The following CRIPTO variants were observed in gnomAD, a reference collection of about 807,000 sequenced individuals.
CRIPTO encodes cripto, EGF-CFC family member.
At chr3:46,577,699 C>T in the CRIPTO span, 2 of 541,868 alleles carry the variant, frequency 3.7e-6, 1 homozygote, top group South Asian at 4.2e-5. Flanking sequence ...CTCCCCGCCC[C>T]GACTGGGGTT....
the CRIPTO span, chr3:46,579,628 C>G: frequency 7.6e-7 from 1 of 1,313,316 alleles, no homozygotes; most frequent in Non-Finnish European, 1.1e-6. Flanking sequence ...CTCAAAGGCA[C>G]AGAGACTTAC....
chr3:46,575,967 G>C, the CRIPTO span, among the ~76,000 whole-genome samples: 121 of 152,172 alleles, frequency 8.0e-4, 1 homozygote, highest in South Asian at 0.023. Flanking sequence ...CGGCCTCCTA[G>C]AGCTTCAGGC....
At chr3:46,580,163 G>C in the CRIPTO span, 5 of 1,492,490 alleles carry the variant, frequency 3.4e-6, no homozygotes, top group Admixed American at 1.9e-5. Flanking sequence ...TCTTGCTAGA[G>C]CCTGGCAGCC....
the CRIPTO span, chr3:46,578,117 C>T: frequency 1.7e-6 from 2 of 1,157,574 alleles, no homozygotes; most frequent in African/African-American, 3.1e-5. Context: ...CTTAAAAGAG[C>T]TGCCAACCGC....
At chr3:46,576,180 A>G in the CRIPTO span, among the ~76,000 whole-genome samples, 18 of 152,172 alleles carry the variant, frequency 1.2e-4, no homozygotes, top group Admixed American at 1.2e-3. Flanking sequence ...TCCCAAGATC[A>G]TGTGTAAGGC....
the CRIPTO span, among the ~76,000 whole-genome samples, chr3:46,580,650 A>C: frequency 6.6e-6 from 1 of 152,170 alleles, no homozygotes; most frequent in African/African-American, 2.4e-5. Context: ...TGGAGAGGAA[A>C]AGAGGCGACA....
chr3:46,575,742 TAAAGACAAGACATCC>T, the CRIPTO span, among the ~76,000 whole-genome samples: 2 of 152,204 alleles, frequency 1.3e-5, no homozygotes, highest in South Asian at 4.1e-4. Flanking sequence ...GCCCAGTCTC[TAAAGACAAGACATCC>T]AAATCCCCCA....
At chr3:46,581,006 G>T in the CRIPTO span, 4 of 737,950 alleles carry the variant, frequency 5.4e-6, no homozygotes, top group Admixed American at 7.9e-5. Flanking sequence ...CACTGGGCTA[G>T]GTTCCAGGTG....
chr3:46,581,602 G>A, the CRIPTO span: 12 of 561,230 alleles, frequency 2.1e-5, no homozygotes, highest in South Asian at 7.4e-5. Flanking sequence ...CTCCGCATCC[G>A]GGGTTCAAGC....
chr3:46,578,974 G>T, the CRIPTO span: 1 of 1,122,580 alleles, frequency 8.9e-7, no homozygotes, highest in East Asian at 2.4e-5. Context: ...GAAAGATGGT[G>T]CTCTACAATT....
chr3:46,580,448 A>T, the CRIPTO span, among the ~76,000 whole-genome samples: 1 of 152,176 alleles, frequency 6.6e-6, no homozygotes, highest in Non-Finnish European at 1.5e-5. Context: ...CACCCTGACG[A>T]CAAATTCTAT....
At chr3:46,580,142 T>C in the CRIPTO span, 1 of 1,578,626 alleles carries the variant, frequency 6.3e-7, no homozygotes, top group Non-Finnish European at 8.7e-7. Flanking sequence ...AGGCTCTCCT[T>C]GTACCTCTTG....
the CRIPTO span, among the ~76,000 whole-genome samples, chr3:46,578,385 C>A: frequency 1.1e-3 from 153 of 134,708 alleles, 2 homozygotes; most frequent in South Asian, 0.01. Flanking sequence ...AAAAAAAAAC[C>A]CACATTTTTT....
At chr3:46,579,154 G>T in the CRIPTO span, 1 of 1,614,038 alleles carries the variant, frequency 6.2e-7, no homozygotes, top group Non-Finnish European at 8.5e-7. Context: ...GCCGGTGAGA[G>T]ACCTTTTGTT....
the CRIPTO span, among the ~76,000 whole-genome samples, chr3:46,575,249 G>C: frequency 6.6e-6 from 1 of 152,216 alleles, no homozygotes; most frequent in South Asian, 2.1e-4. Flanking sequence ...GCCTCACAGT[G>C]GGGTTACTTC....
chr3:46,576,480 C>CAAATA, the CRIPTO span, among the ~76,000 whole-genome samples: 1 of 55,054 alleles, frequency 1.8e-5, no homozygotes, highest in African/African-American at 9.4e-5. Context: ...GACTCTGTCG[C>CAAATA]AAAAAAAAAA....
chr3:46,576,758 G>T, the CRIPTO span, among the ~76,000 whole-genome samples: 1 of 152,214 alleles, frequency 6.6e-6, no homozygotes, highest in African/African-American at 2.4e-5. Flanking sequence ...AACTATTAAC[G>T]ACTTTGGGCG....
the CRIPTO span, chr3:46,577,270 A>C: frequency 0.53 from 80,110 of 152,124 alleles, 21,310 homozygotes; most frequent in Middle Eastern, 0.66. Context: ...AGTCTTCCCC[A>C]CACACACACA....
chr3:46,578,100 C>T, the CRIPTO span: 4 of 1,407,538 alleles, frequency 2.8e-6, no homozygotes, highest in Non-Finnish European at 4.0e-6. Context: ...TTTTCTCTTG[C>T]TCAAGCCTTA....
Sources: gnomAD v4.1 joint callset for allele counts (sites outside exome capture counted in the v4.1 genomes callset) on GRCh38, gnomAD v4.1.1 for gene constraint, MANE v1.5 for transcripts, NCBI Gene and HGNC (gene_info 2026-07-23, HGNC 2026-07-21) for gene names.